Variants in LNPEP observed in about 807,000 individuals in gnomAD.
The protein encoded by LNPEP is leucyl and cystinyl aminopeptidase.
In LNPEP, 64 loss-of-function variants were observed where a neutral mutation model predicts 120.6. That is an observed-to-expected ratio of 0.53 (90% CI 0.43 to 0.65). The LOEUF (loss-of-function observed/expected upper bound fraction) is 0.65. Among genes scored for constraint, LNPEP ranks in the 30% least tolerant of loss-of-function variants. The pLI is 0.00. For synonymous variants in LNPEP, 435 were observed against 425.4 expected, an observed-to-expected ratio of 1.02 and a Z score of -0.28; for missense variants, 1,057 against 1,200.0, an observed-to-expected ratio of 0.88 and a Z score of 1.76.
intron 1 of LNPEP, among the ~76,000 whole-genome samples, chr5:96,954,770 A>T (rs1311883850): frequency 0.023 from 683 of 29,468 alleles, 161 homozygotes; most frequent in Non-Finnish European, 0.027. Flanking sequence ...ATATATATAT[A>T]TATTTTTTTT....
chr5:96,955,452 T>G (rs1581982288), intron 1 of LNPEP, among the ~76,000 whole-genome samples: 2 of 152,126 alleles, frequency 1.3e-5, no homozygotes, highest in East Asian at 3.9e-4. Flanking sequence ...CCATCTCTAC[T>G]AAAAATACAA....
rs186343225 is a variant in LNPEP, at chr5:97,024,414, G to A, written c.2562-107G>A. ...AACCCTAAATTGTGTACTCAAACTT[G>A]TTATTATTACCAACCCTCACACCAG... On this transcript the variant is annotated intron_variant, in intron 14 of 17. Transcript: ENST00000231368. 1.8e-5 allele frequency: 18 copies of A among 1,015,988 alleles called. No individual in the cohort carries two copies. In the East Asian group the frequency reaches 4.3e-4, roughly 24 times the overall value. 62.9% of individuals were successfully genotyped at this position (1,015,988 alleles called of 1,614,324 possible). A position where few individuals can be genotyped will look rare whatever the true frequency, so the allele number is the denominator to read the frequency against.
chr5:96,979,373 C>T lies in LNPEP; in HGVS notation c.255C>T (p.Ser85=). 1 of 1,614,076 alleles carries T rather than the reference C, an allele frequency of 6.2e-7. No individual in the cohort carries two copies. Among genetic ancestry groups the T allele is most frequent in the South Asian group, 1.1e-5 (1 of 91,080 alleles). Residue 85 remains serine (S), a synonymous_variant, in exon 2 of 18, where the codon AGC becomes AGT. Transcript: ENST00000231368. The part of the protein sequence containing the change: ...KLLGMSFMNR[S]SGLRNSATGY... ...TGGGCATGTCCTTCATGAATAGAAG[C>T]TCAGGCCTTCGGAACAGTGCAACTG...
chr5:96,991,322 A>G (rs1212129627), intron 4 of LNPEP, among the ~76,000 whole-genome samples: 1 of 152,148 alleles, frequency 6.6e-6, no homozygotes, highest in Non-Finnish European at 1.5e-5. Context: ...GATCAATCCC[A>G]GTAGTGGGAC....
At chr5:97,019,788 C>A (rs1300923498) in intron 13 of LNPEP, among the ~76,000 whole-genome samples, 1 of 151,416 alleles carries the variant, frequency 6.6e-6, no homozygotes, top group Admixed American at 6.6e-5. Flanking sequence ...TTCATTTGTT[C>A]CTATTTGACA....
At chr5:97,010,436 C>A in intron 11 of LNPEP, 2 of 984,868 alleles carry the variant, frequency 2.0e-6, no homozygotes, top group Non-Finnish European at 2.4e-6. Context: ...GCCTTTTTTT[C>A]CCCTAATAAA....
Position 97,035,546 on chromosome 5 carries a change from T to C in LNPEP, c.*7013T>C, listed in dbSNP as rs913366676. 1 of 152,206 alleles carries C rather than the reference T, an allele frequency of 6.6e-6. No homozygotes were observed. The highest frequency in any genetic ancestry group is 1.5e-5 in the Non-Finnish European group (1 of 68,032). 9.4% of individuals were successfully genotyped at this position (152,206 alleles called of 1,614,324 possible). ...TTTCATAATATGACAGCTCACTTCT[T>C]TTCCTACATATTTCCTCACTTAGCA... On this transcript the variant is annotated 3_prime_UTR_variant, in exon 18 of 18. Coordinates refer to ENST00000231368, the MANE Select transcript of LNPEP (RefSeq NM_005575.3).
chr5:96,964,265 G>T (rs991680766), intron 1 of LNPEP, among the ~76,000 whole-genome samples: 7 of 151,804 alleles, frequency 4.6e-5, no homozygotes, highest in Non-Finnish European at 8.8e-5. Flanking sequence ...AGCATTGATA[G>T]TTTTTTGTTA....
At chr5:96,960,962 A>C (rs993482102) in intron 1 of LNPEP, among the ~76,000 whole-genome samples, 3 of 152,046 alleles carry the variant, frequency 2.0e-5, no homozygotes, top group African/African-American at 7.2e-5. Flanking sequence ...CCATCAGCTT[A>C]TCTGTTCTCT....
At chr5:97,028,363 C>G in intron 17 of LNPEP, 39 bp from the exon 18 acceptor site, 1 of 1,606,484 alleles carries the variant, frequency 6.2e-7, no homozygotes, top group East Asian at 2.2e-5. Context: ...GTTTATCGTC[C>G]TTTTCTTCTT....
chr5:96,972,996 AG>A (rs1256059773), intron 1 of LNPEP, among the ~76,000 whole-genome samples: 1 of 152,156 alleles, frequency 6.6e-6, no homozygotes, highest in Non-Finnish European at 1.5e-5. Context: ...ACAATATACT[AG>A]GGGTAAAGTA....
At chr5:96,971,935 A>C (rs548651231) in intron 1 of LNPEP, among the ~76,000 whole-genome samples, 1 of 152,130 alleles carries the variant, frequency 6.6e-6, no homozygotes, top group Non-Finnish European at 1.5e-5. Context: ...ACTAAATACA[A>C]TGCAATATCT....
chr5:96,997,889 T>C (rs1790553323), intron 7 of LNPEP, 125 bp from the exon 8 acceptor site: 2 of 611,176 alleles, frequency 3.3e-6, no homozygotes, highest in Non-Finnish European at 5.4e-6. Context: ...TCCTGAAGTT[T>C]AGTGACACTG....
intron 16 of LNPEP, 76 bp from the exon 17 acceptor site, chr5:97,027,657 C>G (rs898959330): frequency 3.2e-6 from 3 of 930,368 alleles, no homozygotes; most frequent in Admixed American, 3.7e-5. Context: ...GCATTAAAGA[C>G]TTTTCCTTGC....
At chr5:96,950,094 C>T (rs764776650) in intron 1 of LNPEP, among the ~76,000 whole-genome samples, 1 of 152,172 alleles carries the variant, frequency 6.6e-6, no homozygotes, top group Admixed American at 6.5e-5. Context: ...GTATTTCAAA[C>T]CCTATGCTTT....
At position 97,006,118 on chromosome 5, in the gene LNPEP, A is replaced by G. The variant is rs1480681005; in HGVS notation, c.1831A>G (p.Thr611Ala). The G allele has an allele frequency of 6.3e-7, 1 of 1,587,728 alleles. No individual in the cohort carries two copies. The highest frequency in any genetic ancestry group is 2.3e-5 in the East Asian group (1 of 43,908). ...TGTAAAGAGAATGATGAAAACCTGG[A>G]CCCTGCAGAAAGGATTTCCTTTAGT... Reference protein sequence around the residue: ...LDVKRMMKTWTLQKGFPLVTV... With the variant: ...LDVKRMMKTWALQKGFPLVTV... The change falls in exon 10 of 18, where the codon ACC (threonine) becomes GCC (alanine). Residue 611 changes from threonine (T) to alanine (A), a missense_variant. Physicochemically the swap from Thr to Ala is moderately conservative, Grantham distance 58 (BLOSUM62 0). Coordinates refer to ENST00000231368, the MANE Select transcript of LNPEP (RefSeq NM_005575.3).
At chr5:96,952,022 G>T (rs1449645013) in intron 1 of LNPEP, among the ~76,000 whole-genome samples, 1 of 151,590 alleles carries the variant, frequency 6.6e-6, no homozygotes, top group African/African-American at 2.4e-5. Flanking sequence ...TTTTTATCGA[G>T]GACCCCTAAG....
In LNPEP at chr5:96,957,269, C is replaced by T. The variant is rs1789492113; in HGVS notation, c.19+21095C>T. On this transcript the variant is annotated intron_variant, in intron 1 of 17. Transcript: ENST00000231368. ...TATTTTTGTTTTGGCTGGCGATCAC[C>T]CTGCTCAGGTTCAGACCTTAGTTCT... Among the ~76,000 whole-genome samples the T allele has an allele frequency of 2.0e-5, 3 of 152,162 alleles. No homozygotes were observed. The South Asian group carries it at 6.2e-4, about 32-fold the overall frequency.
intron 1 of LNPEP, among the ~76,000 whole-genome samples, chr5:96,945,122 T>G (rs1308311199): frequency 2.6e-5 from 4 of 151,884 alleles, no homozygotes; most frequent in Non-Finnish European, 4.4e-5. Flanking sequence ...CCTGGGGTGG[T>G]GCAGTGGCTC....
Sources: gnomAD v4.1 joint callset for allele counts (sites outside exome capture counted in the v4.1 genomes callset) on GRCh38, gnomAD v4.1.1 for gene constraint, MANE v1.5 for transcripts, NCBI Gene and HGNC (gene_info 2026-07-23, HGNC 2026-07-21) for gene names.